Variants in ANKRD12 observed in about 807,000 individuals in gnomAD.
ANKRD12 encodes the protein ankyrin repeat domain-containing protein 12.
In ANKRD12, 85 loss-of-function variants were observed where a neutral mutation model predicts 183.4. The observed-to-expected ratio is 0.46, with a 90% CI of 0.39 to 0.56. ANKRD12 has a LOEUF of 0.56. Ranked by LOEUF, ANKRD12 falls within the 20% of genes least tolerant of loss-of-function variation. The pLI, the probability that ANKRD12 is intolerant of heterozygous loss-of-function variation, is 0.00. For synonymous variants in ANKRD12, 914 were observed against 800.2 expected (o/e 1.14, Z -2.40); for missense variants, 2,405 against 2,357.1 (o/e 1.02, Z -0.42).
intron 1 of ANKRD12, among the ~76,000 whole-genome samples, chr18:9,156,706 G>GA (rs987671300): frequency 7.9e-5 from 12 of 152,138 alleles, no homozygotes. Context: ...TAGCCAGAAG[G>GA]TAGAAACAGC....
chr18:9,195,495 T>C, intron 2 of ANKRD12, 56 bp from the exon 3 acceptor site: 1 of 1,357,024 alleles, frequency 7.4e-7, no homozygotes, highest in Non-Finnish European at 9.8e-7. Context: ...GGGGTTTCTA[T>C]ACTGTATTGC....
At chr18:9,220,421 A>G (rs1341966082) in intron 7 of ANKRD12, among the ~76,000 whole-genome samples, 1 of 152,218 alleles carries the variant, frequency 6.6e-6, no homozygotes, top group Non-Finnish European at 1.5e-5. Flanking sequence ...ATGGAAATGC[A>G]CAAAATATCA....
rs2038772811 is a variant in ANKRD12 at position 9,258,464 on chromosome 18, CAAA to C, written c.5198_5200del (p.Gln1733del). The C allele has an allele frequency of 6.2e-7, 1 of 1,613,582 alleles. No individual in the cohort carries two copies. Among genetic ancestry groups the C allele is most frequent in the African/African-American group, 1.3e-5 (1 of 74,884 alleles). ...TGATAAAACTGAAAACCAAATCCCT[CAAA>C]GAATGACTAGAAACAAAGCAAATAC... On this transcript the variant is annotated inframe_deletion, in exon 9 of 13. Transcript: ENST00000262126.
chr18:9,244,938 C>T (rs537882852), intron 8 of ANKRD12, among the ~76,000 whole-genome samples: 9 of 152,166 alleles, frequency 5.9e-5, no homozygotes, highest in South Asian at 2.1e-4. Context: ...TTATAGGTAG[C>T]GTTTATTCTT....
chr18:9,180,838 G>C (rs2033649231), intron 1 of ANKRD12, among the ~76,000 whole-genome samples: 1 of 152,106 alleles, frequency 6.6e-6, no homozygotes, highest in Admixed American at 6.5e-5. Context: ...AAAAATATTT[G>C]ACACTCCTTT....
Position 9,283,570 on chromosome 18 carries a change from G to T in ANKRD12, c.*2444G>T, listed in dbSNP as rs1029662775. ...TTGGAATGGAGTATATGCCTGAAAA[G>T]GTTTTGGATTCAGAAAGAAAAAGGA... On this transcript the variant is annotated 3_prime_UTR_variant, in exon 13 of 13. Transcript: ENST00000262126. 1.3e-5 allele frequency: 2 copies of T among 152,550 alleles called. No individual in the cohort carries two copies. The highest frequency in any genetic ancestry group is 4.8e-5 in the African/African-American group (2 of 41,438). 9.4% of individuals were successfully genotyped at this position (152,550 alleles called of 1,614,324 possible). A position where few individuals can be genotyped will look rare whatever the true frequency, so the allele number is the denominator to read the frequency against.
chr18:9,214,935 A>G (rs796851989), intron 6 of ANKRD12, among the ~76,000 whole-genome samples: 21 of 152,314 alleles, frequency 1.4e-4, no homozygotes, highest in African/African-American at 5.1e-4. Context: ...ACATGAAGTC[A>G]TTATACAACA....
At chr18:9,252,452 A>T (rs2038352105) in intron 8 of ANKRD12, among the ~76,000 whole-genome samples, 1 of 152,184 alleles carries the variant, frequency 6.6e-6, no homozygotes, top group Admixed American at 6.5e-5. Flanking sequence ...ATTCACCTGT[A>T]GAAATTTCTC....
At chr18:9,235,417 G>T (rs550782961) in intron 8 of ANKRD12, among the ~76,000 whole-genome samples, 1 of 152,254 alleles carries the variant, frequency 6.6e-6, no homozygotes, top group South Asian at 2.1e-4. Flanking sequence ...TAGGTAAAGA[G>T]AAGTATCTTT....
intron 11 of ANKRD12, among the ~76,000 whole-genome samples, chr18:9,276,475 G>A (rs1254824413): frequency 6.6e-6 from 1 of 152,180 alleles, no homozygotes; most frequent in Non-Finnish European, 1.5e-5. Context: ...AGCACTTTGG[G>A]AGGCCAAAGT....
At chr18:9,221,813 T>C in intron 7 of ANKRD12, 39 bp from the exon 8 acceptor site, 1 of 1,607,104 alleles carries the variant, frequency 6.2e-7, no homozygotes, top group Non-Finnish European at 8.5e-7. Flanking sequence ...GATAACAATC[T>C]GTGAAGGGAC....
intron 2 of ANKRD12, among the ~76,000 whole-genome samples, chr18:9,194,073 G>C (rs527850626): frequency 4.1e-4 from 63 of 152,204 alleles, no homozygotes; most frequent in Non-Finnish European, 7.5e-4. Context: ...CTACTGGCCT[G>C]GATAGATTAT....
At position 9,249,125 on chromosome 18, in the gene ANKRD12, C is replaced by G. The variant is rs959130060; in HGVS notation, c.944-5086C>G. ...CATTACGAAAGTCCTCTGTGTAGAT[C>G]ACAGGCTTATGTTGGAAGTAACTTC... On this transcript the variant is annotated intron_variant, in intron 8 of 12. Coordinates refer to ENST00000262126, the MANE Select transcript of ANKRD12 (RefSeq NM_015208.5). 6.6e-5 allele frequency among the ~76,000 whole-genome samples: 10 copies of G among 151,970 alleles called. No homozygotes were observed. In the East Asian group the frequency reaches 1.7e-3, roughly 26 times the overall value.
In ANKRD12 at chr18:9,208,702, A is replaced by G. The variant is rs771218053; in HGVS notation, c.350A>G (p.Asn117Ser). The change falls in exon 5 of 13, where the codon AAT (asparagine) becomes AGT (serine). Residue 117 changes from asparagine to serine, a missense_variant. This residue lies in a region of ANKRD12 where 145 missense variants were observed against 145.6 expected (regional missense o/e 1.00). Coordinates refer to ENST00000262126, the MANE Select transcript of ANKRD12 (RefSeq NM_015208.5). Reference protein sequence around the residue: ...EKKKTKKEAGNKKSTPVSILF... With the variant: ...EKKKTKKEAGSKKSTPVSILF... ...AAGAAGACAAAAAAGGAAGCTGGAA[A>G]TAAGAAATCCACACCAGTTAGCATT... The G allele has an allele frequency of 1.2e-6, 2 of 1,611,612 alleles. No individual in the cohort carries two copies. Among genetic ancestry groups the G allele is most frequent in the Admixed American group, 1.7e-5 (1 of 59,732 alleles).
chr18:9,274,154 A>C (rs939151550), intron 10 of ANKRD12, among the ~76,000 whole-genome samples: 4 of 152,178 alleles, frequency 2.6e-5, no homozygotes, highest in African/African-American at 9.6e-5. Context: ...TGGGAGTTTT[A>C]TCTCTGGCTT....
rs1401532546 is a variant in ANKRD12 at position 9,278,595 on chromosome 18, G to A, written c.5908-954G>A. Reference sequence around the variant, plus strand: ...GGGCAGATCACGAGGTCAGGAGTTCGAGACCAGCCTGGCCAATATGGTGAA... The same window carrying A: ...GGGCAGATCACGAGGTCAGGAGTTCAAGACCAGCCTGGCCAATATGGTGAA... On this transcript the variant is annotated intron_variant, in intron 11 of 12. Transcript: ENST00000262126. Among the ~76,000 whole-genome samples, 3 of 152,232 alleles carry A rather than the reference G, an allele frequency of 2.0e-5. No homozygotes were observed. In the South Asian group the frequency reaches 6.2e-4, roughly 32 times the overall value.
intron 8 of ANKRD12, among the ~76,000 whole-genome samples, chr18:9,226,422 T>C (rs538723791): frequency 9.7e-6 from 1 of 103,390 alleles, no homozygotes; most frequent in East Asian, 2.7e-4. Context: ...TGATGCTCTG[T>C]CTCAAAAAAA....
intron 1 of ANKRD12, among the ~76,000 whole-genome samples, chr18:9,141,988 C>G (rs964747680): frequency 1.3e-5 from 2 of 152,142 alleles, no homozygotes; most frequent in African/African-American, 4.8e-5. Context: ...TCTTGAACTC[C>G]TGACCTCAAA....
intron 2 of ANKRD12, among the ~76,000 whole-genome samples, chr18:9,194,421 A>C (rs1274815246): frequency 2.6e-5 from 4 of 151,944 alleles, no homozygotes; most frequent in Admixed American, 2.0e-4. Context: ...CAACGGTATG[A>C]TCTCAGCTCA....
Sources: gnomAD v4.1 joint callset for allele counts (sites outside exome capture counted in the v4.1 genomes callset) on GRCh38, gnomAD v4.1.1 for gene constraint, gnomAD v4.1.1 regional missense constraint, MANE v1.5 for transcripts, NCBI Gene and HGNC (gene_info 2026-07-23, HGNC 2026-07-21) for gene names.